CDH11: variants seen among roughly 807,000 people sequenced by gnomAD.
CDH11 encodes the protein cadherin-11.
CDH11 carries 11 observed loss-of-function variants against 67.8 expected under a neutral mutation model. The ratio of observed to expected loss-of-function variants is 0.16; its 90% CI spans 0.10 to 0.27. The LOEUF (loss-of-function observed/expected upper bound fraction) is 0.27. Among genes scored for constraint, CDH11 ranks in the 10% least tolerant of loss-of-function variants. CDH11 has a pLI of 1.00. For synonymous variants in CDH11, 419 were observed against 400.0 expected (o/e 1.05, Z -0.57); for missense variants, 847 against 1,031.2 (o/e 0.82, Z 2.45).
chr16:65,034,164 A>G (rs981528439), intron 2 of CDH11, among the ~76,000 whole-genome samples: 2 of 152,198 alleles, frequency 1.3e-5, no homozygotes, highest in African/African-American at 4.8e-5. Flanking sequence ...TGATATCTAC[A>G]AAAAGAGGAA....
chr16:65,121,847 A>AG lies in CDH11; in HGVS notation c.-298+32dup. ...CCCCCCATTCCAAGAAGCCCCAACCAGGCGAGAGGAAGGGACTGGCGGCGC... is the reference window on the plus strand; with the variant it reads ...CCCCCCATTCCAAGAAGCCCCAACCAGGGCGAGAGGAAGGGACTGGCGGCGC... On this transcript the variant is annotated intron_variant, in intron 1 of 12. Coordinates refer to ENST00000268603, the MANE Select transcript of CDH11 (RefSeq NM_001797.4). The surrounding 1 kb of genome is among the most constrained non-coding windows in gnomAD (Gnocchi z 4.1). The AG allele has an allele frequency of 1.4e-6, 1 of 699,826 alleles. No individual in the cohort carries two copies. The highest frequency in any genetic ancestry group is 2.6e-6 in the Non-Finnish European group (1 of 383,644). The allele number at this position is 699,826 out of a possible 1,614,324, so 43.4% of individuals were successfully genotyped here.
At chr16:64,971,037 T>C (rs985185632) in intron 11 of CDH11, among the ~76,000 whole-genome samples, 1 of 152,230 alleles carries the variant, frequency 6.6e-6, no homozygotes, top group African/African-American at 2.4e-5. Context: ...GAAGCAGAAA[T>C]AGTATTAAAT....
At chr16:64,989,536 A>C (rs1457711172) in intron 6 of CDH11, among the ~76,000 whole-genome samples, 1 of 152,186 alleles carries the variant, frequency 6.6e-6, no homozygotes, top group Non-Finnish European at 1.5e-5. Flanking sequence ...AGCAAATGGC[A>C]AAAACCCTAA....
chr16:65,021,304 G>T (rs1045933127), intron 2 of CDH11, among the ~76,000 whole-genome samples: 5 of 152,192 alleles, frequency 3.3e-5, no homozygotes, highest in Non-Finnish European at 5.9e-5. Flanking sequence ...GGATCTATCC[G>T]TTTTCAATTC....
chr16:65,078,329 A>C (rs1475841977), intron 1 of CDH11, among the ~76,000 whole-genome samples: 1 of 152,202 alleles, frequency 6.6e-6, no homozygotes, highest in Non-Finnish European at 1.5e-5. Context: ...TACCGAGCTC[A>C]AACGTTCTGC....
intron 1 of CDH11, among the ~76,000 whole-genome samples, chr16:65,097,416 T>C (rs2074917620): frequency 6.6e-6 from 1 of 152,230 alleles, no homozygotes; most frequent in Non-Finnish European, 1.5e-5. Flanking sequence ...ACCCTCATTC[T>C]CTAGGGTAGG....
At chr16:65,111,899 G>A (rs965448657) in intron 1 of CDH11, among the ~76,000 whole-genome samples, 9 of 151,638 alleles carry the variant, frequency 5.9e-5, no homozygotes, top group African/African-American at 1.7e-4. Flanking sequence ...GTGAAACCCC[G>A]TCTCTACTAA....
intron 2 of CDH11, among the ~76,000 whole-genome samples, chr16:65,039,998 C>T (rs1270914426): frequency 1.3e-5 from 2 of 152,174 alleles, no homozygotes; most frequent in East Asian, 3.9e-4. Flanking sequence ...CAAATCAAAA[C>T]CACAATGAGA....
rs528623387 is a variant in CDH11 at position 65,071,402 on chromosome 16, A to G, written c.-297-17474T>C. ...CATACACCCCCATGCGCAAACTCCA[A>G]AAAGGGAGAAACGACTCTAAAATAG... is the stretch of plus-strand genomic sequence containing the variant. On this transcript the variant is annotated intron_variant, in intron 1 of 12. Transcript: ENST00000268603. Among the ~76,000 whole-genome samples the G allele has an allele frequency of 4.6e-5, 7 of 152,258 alleles. No individual in the cohort carries two copies. The East Asian group carries it at 9.7e-4, about 21-fold the overall frequency.
At chr16:65,079,995 CTT>C (rs1285206288) in intron 1 of CDH11, among the ~76,000 whole-genome samples, 1 of 152,084 alleles carries the variant, frequency 6.6e-6, no homozygotes, top group Non-Finnish European at 1.5e-5. Context: ...ATAATGCAGA[CTT>C]AGTGTCAAAA....
rs751962998 is a variant in CDH11 at position 64,971,630 on chromosome 16, G to A, written c.1591C>T (p.Leu531=). Residue 531 remains leucine (L), a synonymous_variant, in exon 11 of 13, where the codon CTA becomes TTA. Transcript: ENST00000268603. ...TANGPRFIFS[L]PPEIIHNPNF... is the part of the protein sequence containing the mutation. The stretch of plus-strand genomic sequence containing the variant: ...GGATTGTGAATGATTTCAGGGGGTA[G>A]GCTGAAGATAAATCTTGGTCCATTG... The A allele has an allele frequency of 6.2e-7, 1 of 1,613,788 alleles. No homozygotes were observed.
intron 3 of CDH11, among the ~76,000 whole-genome samples, chr16:65,000,041 G>C (rs1164442815): frequency 6.6e-6 from 1 of 152,198 alleles, no homozygotes; most frequent in Non-Finnish European, 1.5e-5. Flanking sequence ...AGGACTAGTG[G>C]CATGGGTTGA....
chr16:65,091,697 G>A (rs1030040296), intron 1 of CDH11, among the ~76,000 whole-genome samples: 4 of 151,618 alleles, frequency 2.6e-5, no homozygotes, highest in African/African-American at 7.3e-5. Context: ...GACTACAGGC[G>A]CCCACCACCA....
chr16:65,041,805 T>G (rs1472365034), intron 2 of CDH11, among the ~76,000 whole-genome samples: 1 of 152,218 alleles, frequency 6.6e-6, no homozygotes, highest in Non-Finnish European at 1.5e-5. Context: ...TGCTGGGAGA[T>G]GGGTCAGGCA....
intron 2 of CDH11, among the ~76,000 whole-genome samples, chr16:65,017,282 C>T (rs1296218593): frequency 1.3e-5 from 2 of 152,126 alleles, no homozygotes; most frequent in Non-Finnish European, 2.9e-5. Context: ...GGTTTGAATG[C>T]CTCTGACATA....
chr16:65,040,438 A>C (rs2073844846), intron 2 of CDH11, among the ~76,000 whole-genome samples: 1 of 152,164 alleles, frequency 6.6e-6, no homozygotes, highest in South Asian at 2.1e-4. Context: ...CATCATTCTC[A>C]GCAAACTATC....
chr16:64,978,914 C>A (rs976417873), intron 8 of CDH11, among the ~76,000 whole-genome samples: 1 of 151,608 alleles, frequency 6.6e-6, no homozygotes, highest in Non-Finnish European at 1.5e-5. Flanking sequence ...AGAATAGACC[C>A]ACTAGAATTC....
Position 64,998,758 on chromosome 16 carries a change from G to A in CDH11, c.327C>T (p.Asn109=), listed in dbSNP as rs1451839960. ...GATCCAACGTCTTGGTGGCATGAAT[G>A]TTCCCTGATTTGTCATCAATCACAA... is the stretch of plus-strand genomic sequence containing the variant. ...TIFVIDDKSG[N]IHATKTLDRE... Residue 109 remains asparagine, a synonymous_variant, in exon 4 of 13, where the codon AAC becomes AAT. Transcript: ENST00000268603. 1.2e-6 allele frequency: 2 copies of A among 1,614,158 alleles called. No homozygotes were observed.
rs950954434 is a variant in CDH11, at chr16:65,042,539, C to T, written c.-173+11265G>A. Among the ~76,000 whole-genome samples, 5 of 151,986 alleles carry T rather than the reference C, an allele frequency of 3.3e-5. No homozygotes were observed. In the East Asian group the frequency reaches 5.8e-4, roughly 18 times the overall value. The stretch of plus-strand genomic sequence containing the variant: ...ATTGTCAAATGCAGCTGAGCAGATG[C>T]GCAAAGAGAGAGGTAGGGAATGACT... On this transcript the variant is annotated intron_variant, in intron 2 of 12. Transcript: ENST00000268603.
Sources: allele counts gnomAD v4.1 joint callset (sites outside exome capture counted in the v4.1 genomes callset), GRCh38; gene constraint gnomAD v4.1.1; non-coding constraint Gnocchi (gnomAD v3.1); transcripts MANE v1.5; gene names NCBI Gene and HGNC (gene_info 2026-07-23, HGNC 2026-07-21).